SH3PXD2B: variants seen among roughly 807,000 people sequenced by gnomAD.
SH3PXD2B encodes the protein SH3 and PX domain-containing protein 2B.
In SH3PXD2B, 37 loss-of-function variants were observed where a neutral mutation model predicts 73.1. That is an observed-to-expected ratio of 0.51 (90% CI 0.39 to 0.67). The LOEUF is 0.67. Ranked by LOEUF, SH3PXD2B falls within the 30% of genes least tolerant of loss-of-function variation. SH3PXD2B has a pLI of 0.00. For synonymous variants in SH3PXD2B, 457 were observed against 480.5 expected, an observed-to-expected ratio of 0.95 and a Z score of 0.64; for missense variants, 1,053 against 1,197.8, an observed-to-expected ratio of 0.88 and a Z score of 1.78.
downstream of SH3PXD2B, among the ~76,000 whole-genome samples, chr5:172,328,775 C>T (rs1458833853): frequency 2.0e-5 from 3 of 151,954 alleles, 1 homozygote; most frequent in Non-Finnish European, 4.4e-5. Flanking sequence ...CATCTGATCC[C>T]TAGTAGGAGA....
intron 1 of SH3PXD2B, among the ~76,000 whole-genome samples, chr5:172,423,548 G>GT (rs57117776): frequency 0.077 from 9,239 of 120,322 alleles, 546 homozygotes; most frequent in African/African-American, 0.16. Context: ...ACGGGGTTGG[G>GT]GGGGGGGGCG....
chr5:172,435,370 G>A (rs1759350410), intron 1 of SH3PXD2B, among the ~76,000 whole-genome samples: 1 of 152,220 alleles, frequency 6.6e-6, no homozygotes, highest in African/African-American at 2.4e-5. Context: ...GATTGAGAAT[G>A]AGGATGGTCC....
At chr5:172,422,236 C>T (rs1320828763) in intron 2 of SH3PXD2B, among the ~76,000 whole-genome samples, 180 bp downstream of exon 2, 3 of 152,158 alleles carry the variant, frequency 2.0e-5, no homozygotes, top group Admixed American at 6.5e-5. Flanking sequence ...CTCGAGTGAT[C>T]CACCCACCTC....
rs190174351 is a variant in SH3PXD2B at position 172,443,778 on chromosome 5, G to T, written c.75+10500C>A. 1.7e-3 allele frequency among the ~76,000 whole-genome samples: 252 copies of T among 152,366 alleles called. 1 individual carries two copies. The highest frequency in any genetic ancestry group is 5.4e-3 in the African/African-American group (223 of 41,596). On this transcript the variant is annotated intron_variant, in intron 1 of 12. Transcript: ENST00000311601. The stretch of plus-strand genomic sequence containing the variant: ...TTCTAGCTTTCTTTGCCAGCACAGC[G>T]GGCGGGGGGCCATGCAATTCTGCTT...
At chr5:172,348,663 CTAT>C (rs1561896683) in intron 10 of SH3PXD2B, among the ~76,000 whole-genome samples, 55 of 28,868 alleles carry the variant, frequency 1.9e-3, no homozygotes, top group East Asian at 6.7e-3. Flanking sequence ...TCCTATCTAT[CTAT>C]CTATCTATCT....
intron 9 of SH3PXD2B, among the ~76,000 whole-genome samples, chr5:172,351,222 T>C (rs938673088): frequency 1.3e-5 from 2 of 152,204 alleles, no homozygotes; most frequent in African/African-American, 2.4e-5. Context: ...CTTGAACTCC[T>C]GGGCTCAAGC....
Position 172,445,422 on chromosome 5 carries a change from C to T in SH3PXD2B, c.75+8856G>A, listed in dbSNP as rs1386914619. Among the ~76,000 whole-genome samples the T allele has an allele frequency of 2.0e-5, 3 of 151,944 alleles. No individual in the cohort carries two copies. Among genetic ancestry groups the T allele is most frequent in the Non-Finnish European group, 4.4e-5 (3 of 68,002 alleles). The stretch of plus-strand genomic sequence containing the variant: ...ATGAGGTCTCACTATGTTCCCCAGG[C>T]TGGTATTGAACTCCTGGGCTCAAGC... On this transcript the variant is annotated intron_variant, in intron 1 of 12. Transcript: ENST00000311601. This position sits in a 1 kb window ranked among gnomAD's most constrained non-coding sequence, Gnocchi z 5.2.
chr5:172,394,825 A>G (rs1758260247), intron 3 of SH3PXD2B, among the ~76,000 whole-genome samples, 186 bp from the exon 4 acceptor site: 1 of 151,972 alleles, frequency 6.6e-6, no homozygotes, highest in African/African-American at 2.4e-5. Flanking sequence ...GTCCCCCTAA[A>G]CCCTGTTCAC....
rs534498548 is a variant in SH3PXD2B, at chr5:172,408,149, G to GA, written c.157-1798_157-1797insT. 5.4e-3 allele frequency among the ~76,000 whole-genome samples: 802 copies of GA among 147,882 alleles called. 26 individuals are homozygous for GA. Among genetic ancestry groups the GA allele is most frequent in the Admixed American group, 0.049 (732 of 14,862 alleles). On this transcript the variant is annotated intron_variant, in intron 2 of 12. Transcript: ENST00000311601. ...AAGTCTTTAAACTTTTAAACTGTGG[G>GA]TTTTTTTTTTTCCTTCTCTCTTTTT...
chr5:172,407,064 C>G (rs1758577569), intron 2 of SH3PXD2B, among the ~76,000 whole-genome samples: 2 of 152,148 alleles, frequency 1.3e-5, no homozygotes, highest in African/African-American at 4.8e-5. Flanking sequence ...CATACAAAAT[C>G]ACGAGGATCT....
At chr5:172,447,281 C>T (rs1255980814) in intron 1 of SH3PXD2B, among the ~76,000 whole-genome samples, 1 of 151,986 alleles carries the variant, frequency 6.6e-6, no homozygotes, top group African/African-American at 2.4e-5. Flanking sequence ...CGTTTGTAAT[C>T]AGGTGAAAAT....
rs796850536 is a variant in SH3PXD2B at position 172,345,110 on chromosome 5, A to AAGGGAAGGAAGG, written c.1188+1014_1188+1025dup. On this transcript the variant is annotated intron_variant, in intron 12 of 12. Transcript: ENST00000311601. Reference sequence around the variant, plus strand: ...GGAAGGAAAGAAGGAGGGAAGGAAGAAGGGAAGGAAGGAGGGAAGGAAGGA... The same window carrying AAGGGAAGGAAGG: ...GGAAGGAAAGAAGGAGGGAAGGAAGAAGGGAAGGAAGGAGGGAAGGAAGGAGGGAAGGAAGGA... 2.7e-4 allele frequency among the ~76,000 whole-genome samples: 38 copies of AAGGGAAGGAAGG among 140,330 alleles called. 1 individual carries two copies. Among genetic ancestry groups the AAGGGAAGGAAGG allele is most frequent in the African/African-American group, 1.0e-3 (34 of 33,142 alleles). 92.1% of individuals were successfully genotyped at this position (140,330 alleles called of 152,430 possible).
At chr5:172,420,703 G>A (rs1219283053) in intron 2 of SH3PXD2B, among the ~76,000 whole-genome samples, 2 of 152,188 alleles carry the variant, frequency 1.3e-5, no homozygotes, top group African/African-American at 4.8e-5. Flanking sequence ...AAGCCCATTG[G>A]CTGCGACATT....
At chr5:172,406,469 G>A (rs1758561763) in intron 2 of SH3PXD2B, 117 bp from the exon 3 acceptor site, 18 of 1,202,426 alleles carry the variant, frequency 1.5e-5, no homozygotes, top group Admixed American at 7.8e-5. Flanking sequence ...AGTTCACTGC[G>A]TTCAGCTTTC....
At chr5:172,331,948 AAAAAC>A (rs999274609), downstream of SH3PXD2B, among the ~76,000 whole-genome samples, 58 of 152,356 alleles carry the variant, frequency 3.8e-4, no homozygotes, top group African/African-American at 1.2e-3. Flanking sequence ...CTCTGTCTCA[AAAAAC>A]AAAACAAAAC....
At chr5:172,404,506 G>A (rs192196271) in intron 3 of SH3PXD2B, among the ~76,000 whole-genome samples, 2 of 152,158 alleles carry the variant, frequency 1.3e-5, no homozygotes, top group African/African-American at 4.8e-5. Flanking sequence ...TGGCCAGCCT[G>A]GTCTCAAACT....
intron 3 of SH3PXD2B, among the ~76,000 whole-genome samples, chr5:172,404,815 T>C (rs1385119053): frequency 6.6e-6 from 1 of 152,150 alleles, no homozygotes; most frequent in African/African-American, 2.4e-5. Flanking sequence ...ACAGAGTTGG[T>C]GAGGGGGGCA....
At chr5:172,371,180 A>G (rs1757695824) in intron 6 of SH3PXD2B, among the ~76,000 whole-genome samples, 1 of 152,192 alleles carries the variant, frequency 6.6e-6, no homozygotes, top group Non-Finnish European at 1.5e-5. Context: ...ATGAAGGGTA[A>G]AGGGGATTTT....
chr5:172,328,735 AG>A (rs1164764242), downstream of SH3PXD2B, among the ~76,000 whole-genome samples: 2 of 152,096 alleles, frequency 1.3e-5, no homozygotes, highest in Non-Finnish European at 2.9e-5. Flanking sequence ...TCCCACAGCT[AG>A]GGGCCCAGTG....
Sources: gnomAD v4.1 joint callset for allele counts (sites outside exome capture counted in the v4.1 genomes callset) on GRCh38, gnomAD v4.1.1 for gene constraint, Gnocchi (gnomAD v3.1) non-coding constraint, MANE v1.5 for transcripts, NCBI Gene and HGNC (gene_info 2026-07-23, HGNC 2026-07-21) for gene names.